The following FHDC1 variants were observed in gnomAD, a reference collection of about 807,000 sequenced individuals.
The protein encoded by FHDC1 is FH2 domain containing 1.
Under a neutral mutation model 52.6 loss-of-function variants are expected in FHDC1, and 25 were observed. The ratio of observed to expected loss-of-function variants is 0.48; its 90% CI spans 0.35 to 0.66. The LOEUF is 0.66. Among genes scored for constraint, FHDC1 ranks in the 30% least tolerant of loss-of-function variants. The probability of loss-of-function intolerance (pLI) is 0.01; values close to 1 mark genes in which losing one functional copy is unlikely to be tolerated. For synonymous variants in FHDC1, 616 were observed against 581.5 expected (o/e 1.06, Z -0.85); for missense variants, 1,459 against 1,452.8 (o/e 1.00, Z -0.07).
At chr4:152,922,473 T>C in the FHDC1 span, among the ~76,000 whole-genome samples, 418 of 151,654 alleles carry the variant, frequency 2.8e-3, 13 homozygotes, top group East Asian at 0.07. Context: ...TTCCAATCAA[T>C]AGAAAAAGAG....
chr4:152,929,892 TCTGCTTTCC>T, the FHDC1 span, among the ~76,000 whole-genome samples: 1 of 152,228 alleles, frequency 6.6e-6, no homozygotes, highest in Non-Finnish European at 1.5e-5. The surrounding 1 kb of genome is among the most constrained non-coding windows in gnomAD (Gnocchi z 4.1). Flanking sequence ...TAGTATTTTC[TCTGCTTTCC>T]CTTCTCTCTG....
At chr4:152,959,209 G>A (rs990315376) in intron 4 of FHDC1, among the ~76,000 whole-genome samples, 3 of 152,196 alleles carry the variant, frequency 2.0e-5, no homozygotes, top group Non-Finnish European at 2.9e-5. Context: ...TAGTATTAAG[G>A]TACTACTTAC....
the FHDC1 span, among the ~76,000 whole-genome samples, chr4:152,913,013 G>A: frequency 5.1e-3 from 773 of 152,120 alleles, 4 homozygotes; most frequent in African/African-American, 0.017. Flanking sequence ...TTTTTTAACA[G>A]ATGAAACTAT....
At chr4:152,953,808 T>C (rs1223073812) in intron 3 of FHDC1, among the ~76,000 whole-genome samples, 1 of 152,282 alleles carries the variant, frequency 6.6e-6, no homozygotes, top group Non-Finnish European at 1.5e-5. Flanking sequence ...CAGGGACACC[T>C]TCAGAGTCAC....
At chr4:152,943,611 G>A in intron 2 of FHDC1, 56 bp downstream of exon 2, 2 of 1,541,784 alleles carry the variant, frequency 1.3e-6, no homozygotes, top group Admixed American at 3.9e-5. Flanking sequence ...TTTGTGTTTT[G>A]GGATGTGTGT....
chr4:152,922,580 T>C, the FHDC1 span, among the ~76,000 whole-genome samples: 1 of 150,966 alleles, frequency 6.6e-6, no homozygotes, highest in Admixed American at 6.6e-5. Context: ...ACCAATATCC[T>C]TGATGAACAT....
At chr4:152,949,121 T>TAAG (rs1423440219) in intron 2 of FHDC1, among the ~76,000 whole-genome samples, 922 of 65,382 alleles carry the variant, frequency 0.014, 6 homozygotes, top group Non-Finnish European at 0.018. Context: ...ATAATAATAA[T>TAAG]AATAAGAAGA....
chr4:152,960,325 G>T (rs1292508070), intron 4 of FHDC1, among the ~76,000 whole-genome samples: 1 of 152,132 alleles, frequency 6.6e-6, no homozygotes, highest in African/African-American at 2.4e-5. Context: ...ACACGAGACT[G>T]TGTATCTATA....
intron 4 of FHDC1, among the ~76,000 whole-genome samples, chr4:152,957,756 CGTT>C (rs1319110901): frequency 1.3e-5 from 2 of 152,196 alleles, no homozygotes; most frequent in African/African-American, 4.8e-5. Flanking sequence ...AAGGTTAATT[CGTT>C]GTTGAGAATT....
chr4:152,951,859 C>T (rs1211278827), intron 2 of FHDC1, among the ~76,000 whole-genome samples: 1 of 152,040 alleles, frequency 6.6e-6, no homozygotes, highest in Non-Finnish European at 1.5e-5. Flanking sequence ...TATTTAACAG[C>T]CAAAAAAAGT....
intron 4 of FHDC1, among the ~76,000 whole-genome samples, chr4:152,955,303 G>C (rs972371678): frequency 5.9e-5 from 9 of 151,894 alleles, no homozygotes; most frequent in Non-Finnish European, 1.0e-4. Context: ...GAATGGTTAG[G>C]AGCTTGATAG....
upstream of FHDC1, among the ~76,000 whole-genome samples, chr4:152,931,656 AT>A (rs1739254697): frequency 6.6e-6 from 1 of 152,172 alleles, no homozygotes; most frequent in African/African-American, 2.4e-5. Context: ...ATCAGGCACT[AT>A]TGTTGACAAA....
rs534515731 is a variant in FHDC1 at position 152,949,404 on chromosome 4, CAGG to C, written c.499-4092_499-4090del. 3.3e-5 allele frequency among the ~76,000 whole-genome samples: 5 copies of C among 152,048 alleles called. No homozygotes were observed. The South Asian group carries it at 1.0e-3, about 32-fold the overall frequency. ...CTGATGCAGAAGGATTGCTTGAGCCCAGGAGTTTGAGGCTGCAGTGAGCTATGA... is the reference window on the plus strand; with the variant it reads ...CTGATGCAGAAGGATTGCTTGAGCCCAGTTTGAGGCTGCAGTGAGCTATGA... On this transcript the variant is annotated intron_variant, in intron 2 of 11. Transcript: ENST00000511601.
chr4:152,941,831 C>T (rs1739579593), intron 1 of FHDC1, among the ~76,000 whole-genome samples: 1 of 152,082 alleles, frequency 6.6e-6, no homozygotes, highest in Admixed American at 6.6e-5. Flanking sequence ...GTGTAAAAAG[C>T]CATTGTGTAT....
the FHDC1 span, among the ~76,000 whole-genome samples, chr4:152,926,809 A>C: frequency 6.6e-6 from 1 of 151,992 alleles, no homozygotes; most frequent in South Asian, 2.1e-4. Flanking sequence ...ATGGGAAAAA[A>C]AAAACAAAAC....
intron 4 of FHDC1, among the ~76,000 whole-genome samples, chr4:152,954,727 C>CA (rs1740032622): frequency 6.6e-6 from 1 of 152,002 alleles, no homozygotes; most frequent in South Asian, 2.1e-4. Context: ...CACATGCTCA[C>CA]ATGGGAAGGG....
chr4:152,943,045 A>G lies in FHDC1; in HGVS notation c.-13A>G. 1 of 1,595,164 alleles carries G rather than the reference A, an allele frequency of 6.3e-7. No individual in the cohort carries two copies. The highest frequency in any genetic ancestry group is 8.6e-7 in the Non-Finnish European group (1 of 1,168,028). Reference sequence around the variant, plus strand: ...AAGGCCAAGAAATTATCTCCATAGGAGGCAACAGTACTATGCATGTTATGA... The same window carrying G: ...AAGGCCAAGAAATTATCTCCATAGGGGGCAACAGTACTATGCATGTTATGA... On this transcript the variant is annotated 5_prime_UTR_variant, in exon 2 of 12. Transcript: ENST00000511601.
rs1414706687 is a variant in FHDC1 at position 152,963,134 on chromosome 4, T to G, written c.1029+4T>G. On this transcript the variant is annotated splice_donor_region_variant and intron_variant, in intron 8 of 11. Coordinates refer to ENST00000511601, the MANE Select transcript of FHDC1 (RefSeq NM_001371116.1). ...TCTCCTGCACTTTGTTGCACAGGTATGTGGAAATGATTAGGACTTAGAGAA... is the reference window on the plus strand; with the variant it reads ...TCTCCTGCACTTTGTTGCACAGGTAGGTGGAAATGATTAGGACTTAGAGAA... The G allele has an allele frequency of 1.2e-6, 2 of 1,612,972 alleles. No individual in the cohort carries two copies. The highest frequency in any genetic ancestry group is 1.7e-6 in the Non-Finnish European group (2 of 1,179,414).
chr4:152,968,580 T>C (rs992107812), intron 10 of FHDC1, among the ~76,000 whole-genome samples: 2 of 152,150 alleles, frequency 1.3e-5, no homozygotes, highest in African/African-American at 4.8e-5. Context: ...CCGCACTCAC[T>C]GGGCCTCCCA....
Sources: gnomAD v4.1 joint callset for allele counts (sites outside exome capture counted in the v4.1 genomes callset) on GRCh38, gnomAD v4.1.1 for gene constraint, Gnocchi (gnomAD v3.1) non-coding constraint, MANE v1.5 for transcripts, NCBI Gene and HGNC (gene_info 2026-07-23, HGNC 2026-07-21) for gene names.